The following ACCSL variants were observed in gnomAD, a reference collection of about 807,000 sequenced individuals.
ACCSL encodes the protein probable inactive 1-aminocyclopropane-1-carboxylate synthase-like protein 2.
ACCSL carries 55 observed loss-of-function variants against 61.7 expected under a neutral mutation model. That is an observed-to-expected ratio of 0.89 (90% CI 0.72 to 1.12). The LOEUF (loss-of-function observed/expected upper bound fraction) is 1.12. Among genes scored for constraint, ACCSL ranks in the 50% most tolerant of loss-of-function variants. The pLI, the probability that ACCSL is intolerant of heterozygous loss-of-function variation, is 0.00. For synonymous variants in ACCSL, 258 were observed against 264.3 expected (o/e 0.98, Z 0.23); for missense variants, 632 against 698.0 (o/e 0.91, Z 1.07).
the ACCSL span, among the ~76,000 whole-genome samples, chr11:43,952,543 T>C: frequency 2.4e-4 from 36 of 152,328 alleles, no homozygotes; most frequent in South Asian, 5.6e-3. Flanking sequence ...TGGAAAAGCA[T>C]TGTGAAACTC....
the ACCSL span, among the ~76,000 whole-genome samples, chr11:44,006,890 GTTA>G: frequency 6.6e-6 from 1 of 152,054 alleles, no homozygotes; most frequent in South Asian, 2.1e-4. Flanking sequence ...TGATATTGTT[GTTA>G]TTATTTTTAG....
the ACCSL span, among the ~76,000 whole-genome samples, chr11:43,982,440 G>C: frequency 2.6e-5 from 4 of 151,760 alleles, no homozygotes; most frequent in Admixed American, 2.6e-4. Flanking sequence ...GTTGGCCAGG[G>C]TGGTCTTGAA....
chr11:43,989,825 A>T, the ACCSL span, among the ~76,000 whole-genome samples: 61,134 of 152,024 alleles, frequency 0.4, 12,928 homozygotes, highest in Middle Eastern at 0.52. Flanking sequence ...AGTCTTCCAC[A>T]CTCTCCACAC....
the ACCSL span, chr11:43,943,037 C>T: frequency 1.7e-5 from 26 of 1,500,222 alleles, no homozygotes; most frequent in Admixed American, 3.9e-4. The surrounding 1 kb of genome is among the most constrained non-coding windows in gnomAD (Gnocchi z 4.8). Flanking sequence ...CCGGGGCCGG[C>T]TGCGGCGGCC....
the ACCSL span, among the ~76,000 whole-genome samples, chr11:43,993,641 G>A: frequency 1.2e-3 from 184 of 152,026 alleles, no homozygotes; most frequent in East Asian, 0.017. Context: ...GCCCCTTGCC[G>A]GAATGGGCAG....
chr11:43,950,154 A>T, the ACCSL span, among the ~76,000 whole-genome samples: 1 of 152,202 alleles, frequency 6.6e-6, no homozygotes, highest in South Asian at 2.1e-4. Flanking sequence ...ATGACCCGGA[A>T]GCCCCCACCT....
At chr11:43,954,494 C>T in the ACCSL span, among the ~76,000 whole-genome samples, 5 of 152,040 alleles carry the variant, frequency 3.3e-5, no homozygotes, top group Admixed American at 6.5e-5. Context: ...TTGCATAGAG[C>T]GAGAAAATCT....
chr11:43,929,347 G>A, the ACCSL span, among the ~76,000 whole-genome samples: 2 of 152,166 alleles, frequency 1.3e-5, no homozygotes, highest in African/African-American at 4.8e-5. Flanking sequence ...AGCCTCCTAA[G>A]TAGCTGGGAC....
At chr11:43,999,823 G>C in the ACCSL span, among the ~76,000 whole-genome samples, 2 of 150,628 alleles carry the variant, frequency 1.3e-5, no homozygotes, top group Non-Finnish European at 3.0e-5. Context: ...AGTATCTGTG[G>C]GTTCCACATC....
At chr11:43,989,260 G>A in the ACCSL span, among the ~76,000 whole-genome samples, 1 of 152,208 alleles carries the variant, frequency 6.6e-6, no homozygotes, top group South Asian at 2.1e-4. Flanking sequence ...CCTGTGAGAT[G>A]ATGACGATCT....
the ACCSL span, among the ~76,000 whole-genome samples, chr11:43,963,716 G>A: frequency 2.6e-5 from 4 of 152,192 alleles, no homozygotes; most frequent in Non-Finnish European, 4.4e-5. Flanking sequence ...TCCCCCATGC[G>A]AAGTGAATTC....
chr11:44,019,397 C>T, the ACCSL span, among the ~76,000 whole-genome samples: 9 of 152,152 alleles, frequency 5.9e-5, no homozygotes, highest in Non-Finnish European at 7.3e-5. Flanking sequence ...CAACCAGCAG[C>T]GTATGAAGGT....
the ACCSL span, among the ~76,000 whole-genome samples, chr11:43,972,633 A>C: frequency 1.3e-5 from 2 of 152,244 alleles, no homozygotes; most frequent in African/African-American, 4.8e-5. Context: ...GTATGGTGTC[A>C]GGGCTAAACC....
chr11:44,036,618 C>CAA, the ACCSL span, among the ~76,000 whole-genome samples: 6 of 151,770 alleles, frequency 4.0e-5, no homozygotes, highest in African/African-American at 1.5e-4. Flanking sequence ...CCTGTCTCTA[C>CAA]AAAAAATACA....
intron 2 of ACCSL, 112 bp from the exon 3 acceptor site, chr11:44,050,440 T>C: frequency 1.1e-6 from 1 of 916,420 alleles, no homozygotes; most frequent in Non-Finnish European, 1.8e-6. Context: ...ACCCATTCCC[T>C]TTCTAGGAGG....
the ACCSL span, among the ~76,000 whole-genome samples, chr11:43,999,017 C>G: frequency 2.0e-5 from 3 of 152,294 alleles, no homozygotes; most frequent in East Asian, 5.8e-4. Flanking sequence ...TAAATCCTGG[C>G]TTTACTATTA....
the ACCSL span, among the ~76,000 whole-genome samples, chr11:43,951,993 T>G: frequency 1.6e-4 from 24 of 151,512 alleles, no homozygotes; most frequent in Admixed American, 1.6e-3. Flanking sequence ...AGGGTAACAG[T>G]CAGCTTCAGA....
chr11:43,935,246 A>C, the ACCSL span, among the ~76,000 whole-genome samples: 3 of 152,084 alleles, frequency 2.0e-5, no homozygotes, highest in Admixed American at 1.3e-4. Context: ...GAGTGTGTAC[A>C]CGCACACACA....
the ACCSL span, among the ~76,000 whole-genome samples, chr11:43,940,880 G>A: frequency 6.6e-6 from 1 of 152,152 alleles, no homozygotes. Flanking sequence ...TCCATTGCAG[G>A]GCAAACCGCT....
Sources: allele counts gnomAD v4.1 joint callset (sites outside exome capture counted in the v4.1 genomes callset), GRCh38; gene constraint gnomAD v4.1.1; non-coding constraint Gnocchi (gnomAD v3.1); transcripts MANE v1.5; gene names NCBI Gene and HGNC (gene_info 2026-07-23, HGNC 2026-07-21).